Variants in GAST observed in about 807,000 individuals in gnomAD.
GAST encodes the protein gastrin, also known as preprogastrin.
GAST carries 9 observed loss-of-function variants against 12.5 expected under a neutral mutation model. That is an observed-to-expected ratio of 0.72 (90% CI 0.43 to 1.25). The LOEUF (loss-of-function observed/expected upper bound fraction) is 1.25, where lower values mean the gene tolerates loss of function less well. GAST is among the 50% of genes most tolerant of loss of function. GAST has a pLI of 0.00. For missense variants in GAST, 121 were observed against 127.7 expected (o/e 0.95, Z 0.25); for synonymous variants, 52 against 51.1 (o/e 1.02, Z -0.08).
Position 41,715,560 on chromosome 17 carries a change from C to T in GAST, c.124C>T (p.Leu42=), listed in dbSNP as rs1221417849. ...APLGTGANRD[L]ELPWLEQQGP... is the part of the protein sequence containing the mutation. Reference sequence around the variant, plus strand: ...CTTAGGTACAGGGGCCAACAGGGACCTGGAGCTACCCTGGCTGGAGCAGCA... The same window carrying T: ...CTTAGGTACAGGGGCCAACAGGGACTTGGAGCTACCCTGGCTGGAGCAGCA... Residue 42 remains leucine (L), a synonymous_variant, in exon 2 of 3, where the codon CTG becomes TTG. Transcript: ENST00000329402. 2.5e-6 allele frequency: 4 copies of T among 1,613,450 alleles called. No individual in the cohort carries two copies. The highest frequency in any genetic ancestry group is 2.7e-5 in the African/African-American group (2 of 74,932).
At chr17:41,715,225 G>A (rs532180744) in intron 1 of GAST, among the ~76,000 whole-genome samples, 59 of 151,634 alleles carry the variant, frequency 3.9e-4, no homozygotes, top group African/African-American at 1.4e-3. Context: ...ACTTGAACCC[G>A]GGAGGCGGAG....
chr17:41,715,781 C>G lies in GAST; in HGVS notation c.215C>G (p.Pro72Arg). 6.2e-7 allele frequency: 1 copy of G among 1,607,590 alleles called. No homozygotes were observed. Among genetic ancestry groups the G allele is most frequent in the South Asian group, 1.1e-5 (1 of 90,076 alleles). The change falls in exon 3 of 3, where the codon CCG becomes CGG. Residue 72 changes from proline (P) to arginine (R), a missense_variant. By Grantham distance (103) the Pro-to-Arg change is moderately radical. Transcript: ENST00000329402. ...PQGPPHLVADPSKKQGPWLEE... is the reference protein window; with the variant it reads ...PQGPPHLVADRSKKQGPWLEE... ...CTCGCCTCTCTCACCTCCTCAGACCCGTCCAAGAAGCAGGGACCATGGCTG... is the reference window on the plus strand; with the variant it reads ...CTCGCCTCTCTCACCTCCTCAGACCGGTCCAAGAAGCAGGGACCATGGCTG...
rs373690208 is a variant in GAST at position 41,715,433 on chromosome 17, C to T, written c.-4C>T. The T allele has an allele frequency of 1.6e-5, 26 of 1,606,926 alleles. No homozygotes were observed. Among genetic ancestry groups the T allele is most frequent in the South Asian group, 5.5e-5 (5 of 90,754 alleles). ...GCTAGTCCCTTCTCCCCTTTGCAGA[C>T]GAGATGCAGCGACTGTGTGTGTATG... On this transcript the variant is annotated splice_region_variant and 5_prime_UTR_variant, in exon 2 of 3. The change creates a new upstream start codon in the 5' untranslated region. Transcript: ENST00000329402.
In GAST at chr17:41,715,533, C is replaced by T. The variant is rs1555585761; in HGVS notation, c.97C>T (p.Pro33Ser). The T allele has an allele frequency of 1.2e-6, 2 of 1,613,576 alleles. No homozygotes were observed. Among genetic ancestry groups the T allele is most frequent in the East Asian group, 2.2e-5 (1 of 44,862 alleles). The change falls in exon 2 of 3, where the codon CCC (proline) becomes TCC (serine). Residue 33 changes from proline (P) to serine (S), a missense_variant. By Grantham distance (74) the Pro-to-Ser change is moderately conservative. Transcript: ENST00000329402. ...GCCCCGCTCCCAGCAGCCAGATGCA[C>T]CCTTAGGTACAGGGGCCAACAGGGA... is the stretch of plus-strand genomic sequence containing the variant. ...WKPRSQQPDA[P>S]LGTGANRDLE... is the part of the protein sequence containing the mutation.
At position 41,715,866 on chromosome 17, in the gene GAST, G is replaced by GA; in HGVS notation, c.302dup (p.Asn101LysfsTer12). 1 of 1,602,620 alleles carries GA rather than the reference G, an allele frequency of 6.2e-7. No individual in the cohort carries two copies. The highest frequency in any genetic ancestry group is 8.5e-7 in the Non-Finnish European group (1 of 1,176,158). On this transcript the variant is annotated frameshift_variant, in exon 3 of 3. Coordinates refer to ENST00000329402, the MANE Select transcript of GAST (RefSeq NM_000805.5). LOFTEE classifies it high-confidence loss of function. Reference sequence around the variant, plus strand: ...TCGGCCGCCGCAGTGCTGAGGATGAGAACTAACAATCCTAGAACCAAGCTT... The same window carrying GA: ...TCGGCCGCCGCAGTGCTGAGGATGAGAAACTAACAATCCTAGAACCAAGCTT...
rs570450689 is a variant in GAST, at chr17:41,715,828, G to C, written c.262G>C (p.Gly88Arg). The change falls in exon 3 of 3, where the codon GGA becomes CGA. Residue 88 changes from glycine (G) to arginine (R), a missense_variant. Gly to Arg is a moderately radical substitution (Grantham distance 125). Coordinates refer to ENST00000329402, the MANE Select transcript of GAST (RefSeq NM_000805.5). Reference sequence around the variant, plus strand: ...GCTGGAGGAAGAAGAAGAAGCCTATGGATGGATGGACTTCGGCCGCCGCAG... The same window carrying C: ...GCTGGAGGAAGAAGAAGAAGCCTATCGATGGATGGACTTCGGCCGCCGCAG... ...PWLEEEEEAY[G>R]WMDFGRRSAE... The C allele has an allele frequency of 1.8e-5, 29 of 1,612,642 alleles. No individual in the cohort carries two copies. The highest frequency in any genetic ancestry group is 2.7e-5 in the African/African-American group (2 of 74,884).
At position 41,715,884 on chromosome 17, in the gene GAST, C is replaced by T. The variant is rs1555585891; in HGVS notation, c.*12C>T. 6.3e-7 allele frequency: 1 copy of T among 1,586,786 alleles called. No individual in the cohort carries two copies. Among genetic ancestry groups the T allele is most frequent in the South Asian group, 1.2e-5 (1 of 86,340 alleles). On this transcript the variant is annotated 3_prime_UTR_variant, in exon 3 of 3. Coordinates refer to ENST00000329402, the MANE Select transcript of GAST (RefSeq NM_000805.5). The stretch of plus-strand genomic sequence containing the variant: ...AGGATGAGAACTAACAATCCTAGAA[C>T]CAAGCTTCAGAGCCTAGCCACCTCC...
In GAST at chr17:41,715,423, C is replaced by A. The variant is rs782652898; in HGVS notation, c.-5-9C>A. On this transcript the variant is annotated splice_polypyrimidine_tract_variant and intron_variant, in intron 1 of 2. Coordinates refer to ENST00000329402, the MANE Select transcript of GAST (RefSeq NM_000805.5). Reference sequence around the variant, plus strand: ...TCACCCTTAAGCTAGTCCCTTCTCCCCTTTGCAGACGAGATGCAGCGACTG... The same window carrying A: ...TCACCCTTAAGCTAGTCCCTTCTCCACTTTGCAGACGAGATGCAGCGACTG... 10 of 1,603,462 alleles carry A rather than the reference C, an allele frequency of 6.2e-6. No homozygotes were observed. The highest frequency in any genetic ancestry group is 8.5e-6 in the Non-Finnish European group (10 of 1,171,816).
Position 41,715,809 on chromosome 17 carries a change from G to C in GAST, c.243G>C (p.Glu81Asp). 6.2e-7 allele frequency: 1 copy of C among 1,611,984 alleles called. No individual in the cohort carries two copies. Among genetic ancestry groups the C allele is most frequent in the African/African-American group, 1.3e-5 (1 of 74,820 alleles). ...CCAAGAAGCAGGGACCATGGCTGGA[G>C]GAAGAAGAAGAAGCCTATGGATGGA... ...DPSKKQGPWL[E>D]EEEEAYGWMD... Residue 81 changes from glutamate to aspartate, a missense_variant, in exon 3 of 3, where the codon GAG (glutamate) becomes GAC (aspartate). Transcript: ENST00000329402.
rs782188604 is a variant in GAST at position 41,715,906 on chromosome 17, C to G, written c.*34C>G. ...GAACCAAGCTTCAGAGCCTAGCCAC[C>G]TCCCACCCCACTCCAGCCCTGTCCC... On this transcript the variant is annotated 3_prime_UTR_variant, in exon 3 of 3. Transcript: ENST00000329402. The G allele has an allele frequency of 6.6e-7, 1 of 1,505,024 alleles. No individual in the cohort carries two copies. The highest frequency in any genetic ancestry group is 9.0e-7 in the Non-Finnish European group (1 of 1,107,408). The allele number at this position is 1,505,024 out of a possible 1,614,324, so 93.2% of individuals were successfully genotyped here.
At position 41,714,951 on chromosome 17, in the gene GAST, G is replaced by A. The variant is rs574585561; in HGVS notation, c.-5-481G>A. On this transcript the variant is annotated intron_variant, in intron 1 of 2. Coordinates refer to ENST00000329402, the MANE Select transcript of GAST (RefSeq NM_000805.5). Reference sequence around the variant, plus strand: ...AACACAAGACTTCGGGGCTGGTGTGGAACTGGCAGAAACTGGAGAACTGAT... The same window carrying A: ...AACACAAGACTTCGGGGCTGGTGTGAAACTGGCAGAAACTGGAGAACTGAT... Among the ~76,000 whole-genome samples the A allele has an allele frequency of 5.1e-4, 78 of 152,274 alleles. No individual in the cohort carries two copies. The South Asian group carries it at 0.013, about 25-fold the overall frequency.
At chr17:41,713,339 T>C (rs149172957) in intron 1 of GAST, among the ~76,000 whole-genome samples, 29 of 152,324 alleles carry the variant, frequency 1.9e-4, no homozygotes, top group African/African-American at 6.5e-4. Flanking sequence ...TTTTCAAACA[T>C]TTCTTCAGCA....
chr17:41,715,232 G>A lies in GAST; in HGVS notation c.-5-200G>A, dbSNP rs370740466. ...GGAGAATCACTTGAACCCGGGAGGC[G>A]GAGGTTATAGTGAGCCGAGATCCCA... On this transcript the variant is annotated intron_variant, in intron 1 of 2. Coordinates refer to ENST00000329402, the MANE Select transcript of GAST (RefSeq NM_000805.5). Among the ~76,000 whole-genome samples the A allele has an allele frequency of 1.6e-3, 243 of 151,616 alleles. 1 individual carries two copies. The highest frequency in any genetic ancestry group is 5.6e-3 in the African/African-American group (233 of 41,302).
chr17:41,714,626 T>A (rs1258837273), intron 1 of GAST, among the ~76,000 whole-genome samples: 2 of 151,096 alleles, frequency 1.3e-5, no homozygotes, highest in African/African-American at 4.9e-5. Context: ...ACAAAAAAAA[T>A]TAGCTGGACG....
rs868304286 is a variant in GAST at position 41,712,401 on chromosome 17, G to C, written c.-6+14G>C. The C allele has an allele frequency of 6.7e-6, 1 of 149,012 alleles. No homozygotes were observed. Among genetic ancestry groups the C allele is most frequent in the African/African-American group, 2.4e-5 (1 of 41,144 alleles). The allele number at this position is 149,012 out of a possible 1,614,324, so 9.2% of individuals were successfully genotyped here. On this transcript the variant is annotated intron_variant, in intron 1 of 2. Transcript: ENST00000329402. The stretch of plus-strand genomic sequence containing the variant: ...CCAGCTCTGCAGGTGAGAAAACCCA[G>C]GAGGAGAGGGGAGAGGCTAGGAAGT...
Position 41,715,415 on chromosome 17 carries a change from C to T in GAST, c.-5-17C>T. 1 of 1,595,570 alleles carries T rather than the reference C, an allele frequency of 6.3e-7. No individual in the cohort carries two copies. On this transcript the variant is annotated splice_polypyrimidine_tract_variant and intron_variant, in intron 1 of 2. Transcript: ENST00000329402. The stretch of plus-strand genomic sequence containing the variant: ...GGACAGCCTCACCCTTAAGCTAGTC[C>T]CTTCTCCCCTTTGCAGACGAGATGC...
At chr17:41,714,767 C>A (rs571727163) in intron 1 of GAST, among the ~76,000 whole-genome samples, 204 of 151,796 alleles carry the variant, frequency 1.3e-3, no homozygotes, top group Non-Finnish European at 2.0e-3. Flanking sequence ...AGAGTGAGAC[C>A]CTGTCTCAAT....
intron 1 of GAST, 83 bp from the exon 2 acceptor site, chr17:41,715,348 TG>T: frequency 1.0e-6 from 1 of 994,998 alleles, no homozygotes; most frequent in Non-Finnish European, 1.5e-6. Flanking sequence ...GGTAGAGGCC[TG>T]GAGCCACATG....
chr17:41,715,005 G>C (rs1343951075), intron 1 of GAST, among the ~76,000 whole-genome samples: 4 of 152,050 alleles, frequency 2.6e-5, no homozygotes, highest in Admixed American at 2.0e-4. Context: ...ACTCCACACA[G>C]AATTGCAGAC....
Sources: gnomAD v4.1 joint callset for allele counts (sites outside exome capture counted in the v4.1 genomes callset) on GRCh38, gnomAD v4.1.1 for gene constraint, MANE v1.5 for transcripts, NCBI Gene and HGNC (gene_info 2026-07-23, HGNC 2026-07-21) for gene names.